SLC25A37: variants seen among roughly 807,000 people sequenced by gnomAD.
SLC25A37 encodes mitoferrin-1.
Under a neutral mutation model 31.0 loss-of-function variants are expected in SLC25A37, and 17 were observed. The ratio of observed to expected loss-of-function variants is 0.55; its 90% CI spans 0.38 to 0.82. The LOEUF is 0.82. Ranked by LOEUF, SLC25A37 falls within the 40% of genes least tolerant of loss-of-function variation. The pLI is 0.00. For synonymous variants in SLC25A37, 222 were observed against 193.0 expected, an observed-to-expected ratio of 1.15 and a Z score of -1.24; for missense variants, 404 against 465.8, an observed-to-expected ratio of 0.87 and a Z score of 1.22.
chr8:23,554,731 A>T (rs1802317983), intron 1 of SLC25A37, among the ~76,000 whole-genome samples: 1 of 152,104 alleles, frequency 6.6e-6, no homozygotes, highest in Non-Finnish European at 1.5e-5. Context: ...CAGTGGGCGG[A>T]GAGGGAAATC....
intron 1 of SLC25A37, among the ~76,000 whole-genome samples, chr8:23,554,895 A>G (rs531312370): frequency 6.6e-6 from 1 of 152,306 alleles, no homozygotes; most frequent in East Asian, 1.9e-4. Context: ...TGCTTACTGC[A>G]TGGCTTTTCA....
intron 1 of SLC25A37, among the ~76,000 whole-genome samples, chr8:23,534,669 G>A (rs139574665): frequency 6.6e-6 from 1 of 152,308 alleles, no homozygotes; most frequent in African/African-American, 2.4e-5. Context: ...CCATTTCCCA[G>A]TTAGGTGTGA....
intron 1 of SLC25A37, among the ~76,000 whole-genome samples, chr8:23,562,783 G>T (rs1234724830): frequency 3.3e-5 from 5 of 152,258 alleles, no homozygotes; most frequent in Non-Finnish European, 5.9e-5. Context: ...TAATGACCTT[G>T]CCCAGGGTCA....
chr8:23,556,491 G>A lies in SLC25A37; in HGVS notation c.211-9617G>A, dbSNP rs145603116. Among the ~76,000 whole-genome samples, 199 of 152,014 alleles carry A rather than the reference G, an allele frequency of 1.3e-3. 1 individual carries two copies. The highest frequency in any genetic ancestry group is 1.8e-3 in the Non-Finnish European group (123 of 67,992). On this transcript the variant is annotated intron_variant, in intron 1 of 3. Coordinates refer to ENST00000519973, the MANE Select transcript of SLC25A37 (RefSeq NM_016612.4). ...TCCACCTGCCTTGGCCTTCCAAAGT[G>A]CTGGGATTACAGGTGTGAGCCACTG...
chr8:23,539,100 C>T (rs1404505053), intron 1 of SLC25A37, among the ~76,000 whole-genome samples: 1 of 152,268 alleles, frequency 6.6e-6, no homozygotes, highest in East Asian at 1.9e-4. Context: ...GGGCCGTTGT[C>T]GGGTACTAAG....
chr8:23,569,331 C>T (rs1802756061), intron 3 of SLC25A37, among the ~76,000 whole-genome samples: 1 of 152,016 alleles, frequency 6.6e-6, no homozygotes, highest in South Asian at 2.1e-4. Context: ...ATCCCTGGAG[C>T]TAGGGACCAG....
intron 3 of SLC25A37, 141 bp from the exon 4 acceptor site, chr8:23,571,194 G>T (rs1181106722): frequency 3.0e-6 from 3 of 1,014,688 alleles, no homozygotes. Context: ...AGGGCTGTGT[G>T]TGCTGGCTCT....
chr8:23,561,069 A>G (rs1255701584), intron 1 of SLC25A37, among the ~76,000 whole-genome samples: 1 of 152,206 alleles, frequency 6.6e-6, no homozygotes, highest in Non-Finnish European at 1.5e-5. Context: ...TCTACGTTTT[A>G]CATAAGATAA....
At chr8:23,565,022 G>T (rs1008830210) in intron 1 of SLC25A37, among the ~76,000 whole-genome samples, 4 of 152,186 alleles carry the variant, frequency 2.6e-5, no homozygotes, top group Non-Finnish European at 5.9e-5. Context: ...TCCAAAATCT[G>T]CAGGCTGGAG....
At chr8:23,570,422 G>A (rs1802792296) in intron 3 of SLC25A37, among the ~76,000 whole-genome samples, 1 of 151,436 alleles carries the variant, frequency 6.6e-6, no homozygotes, top group East Asian at 1.9e-4. Context: ...GGGGTGGGGT[G>A]GGGTGGAGAG....
At chr8:23,540,897 GCT>G (rs1801877572) in intron 1 of SLC25A37, among the ~76,000 whole-genome samples, 1 of 152,192 alleles carries the variant, frequency 6.6e-6, no homozygotes, top group South Asian at 2.1e-4. Context: ...AAAGTATAAA[GCT>G]CTCTGTGCAG....
Position 23,566,230 on chromosome 8 carries a change from C to T in SLC25A37, c.333C>T (p.Ile111=). ...CCTTGCGAGGCGTCAACGTCATGAT[C>T]ATGGGTGCAGGGCCGGCCCATGCCA... is the stretch of plus-strand genomic sequence containing the variant. ...WRPLRGVNVM[I]MGAGPAHAMY... Residue 111 remains isoleucine, a synonymous_variant, in exon 2 of 4, where the codon ATC becomes ATT. Transcript: ENST00000519973. The T allele has an allele frequency of 1.2e-6, 2 of 1,603,306 alleles. No individual in the cohort carries two copies. The highest frequency in any genetic ancestry group is 1.7e-6 in the Non-Finnish European group (2 of 1,176,558).
chr8:23,542,947 TG>T (rs1418139607), intron 1 of SLC25A37: 1 of 152,244 alleles, frequency 6.6e-6, no homozygotes, highest in African/African-American at 2.4e-5. Context: ...AAATATTTTT[TG>T]TAGAGCTGTA....
At chr8:23,568,545 A>G in intron 3 of SLC25A37, 167 bp downstream of exon 3, 1 of 721,414 alleles carries the variant, frequency 1.4e-6, no homozygotes, top group Non-Finnish European at 2.4e-6. Context: ...AGGCCTCAAG[A>G]AAGGACGTGA....
chr8:23,538,147 G>A (rs536182249), intron 1 of SLC25A37, among the ~76,000 whole-genome samples: 8 of 151,944 alleles, frequency 5.3e-5, no homozygotes, highest in South Asian at 2.1e-4. Flanking sequence ...TTGGGAGGCC[G>A]AGGCGGGCAG....
intron 2 of SLC25A37, 116 bp from the exon 3 acceptor site, chr8:23,568,206 G>T: frequency 2.0e-6 from 2 of 1,001,122 alleles, no homozygotes; most frequent in Non-Finnish European, 3.2e-6. Context: ...GGCGGAGCTG[G>T]TAGTACATTT....
chr8:23,535,921 TG>T (rs1482004289), intron 1 of SLC25A37, among the ~76,000 whole-genome samples: 2 of 152,100 alleles, frequency 1.3e-5, no homozygotes, highest in Admixed American at 6.5e-5. Flanking sequence ...CCATAACACG[TG>T]GGAATTATGG....
chr8:23,542,420 G>C (rs1801919452), intron 1 of SLC25A37, among the ~76,000 whole-genome samples: 1 of 120,108 alleles, frequency 8.3e-6, no homozygotes, highest in African/African-American at 3.4e-5. Context: ...CTCTTGTCCT[G>C]TAGGCTGGAG....
rs1465821420 is a variant in SLC25A37, at chr8:23,573,074, T to G, written c.*1219T>G. The G allele has an allele frequency of 6.6e-6, 1 of 152,278 alleles. No homozygotes were observed. Among genetic ancestry groups the G allele is most frequent in the Admixed American group, 6.5e-5 (1 of 15,282 alleles). 9.4% of individuals were successfully genotyped at this position (152,278 alleles called of 1,614,324 possible). On this transcript the variant is annotated 3_prime_UTR_variant, in exon 4 of 4. Transcript: ENST00000519973. ...GCAGTCTAGGGAAGCATGTCTCCAGTCTTTGTCCCTGTCTTGTCCCAACCA... is the reference window on the plus strand; with the variant it reads ...GCAGTCTAGGGAAGCATGTCTCCAGGCTTTGTCCCTGTCTTGTCCCAACCA...
Sources: allele counts gnomAD v4.1 joint callset (sites outside exome capture counted in the v4.1 genomes callset), GRCh38; gene constraint gnomAD v4.1.1; transcripts MANE v1.5; gene names NCBI Gene and HGNC (gene_info 2026-07-23, HGNC 2026-07-21).